SGCZ: variants seen among roughly 807,000 people sequenced by gnomAD.
The protein encoded by SGCZ is sarcoglycan zeta.
Under a neutral mutation model 41.3 loss-of-function variants are expected in SGCZ, and 40 were observed. The ratio of observed to expected loss-of-function variants is 0.97; its 90% CI spans 0.75 to 1.26. The LOEUF (loss-of-function observed/expected upper bound fraction) is 1.26. SGCZ is among the 50% of genes most tolerant of loss of function. The pLI, the probability that SGCZ is intolerant of heterozygous loss-of-function variation, is 0.00. For synonymous variants in SGCZ, 206 were observed against 137.5 expected (o/e 1.50, Z -3.49); for missense variants, 552 against 369.8 (o/e 1.49, Z -4.04).
At chr8:15,158,234 C>T (rs778361637) in intron 1 of SGCZ, among the ~76,000 whole-genome samples, 3 of 151,990 alleles carry the variant, frequency 2.0e-5, no homozygotes, top group Admixed American at 1.3e-4. Flanking sequence ...TCCATATCAC[C>T]CCATACCAGG....
At chr8:14,602,001 T>C (rs1257270821) in intron 1 of SGCZ, among the ~76,000 whole-genome samples, 2 of 152,100 alleles carry the variant, frequency 1.3e-5, no homozygotes, top group East Asian at 3.9e-4. Flanking sequence ...GCGCCTGTAG[T>C]CCCAGCTACT....
chr8:14,886,907 G>T (rs779139006), intron 1 of SGCZ, among the ~76,000 whole-genome samples: 17 of 152,138 alleles, frequency 1.1e-4, no homozygotes, highest in Non-Finnish European at 2.4e-4. Flanking sequence ...ATGACCTAGG[G>T]CAGAGTACTG....
chr8:14,192,085 A>C (rs1342989056), intron 4 of SGCZ, among the ~76,000 whole-genome samples: 2 of 152,136 alleles, frequency 1.3e-5, no homozygotes, highest in African/African-American at 2.4e-5. Flanking sequence ...ATTGTATTTA[A>C]AATCAAAGCA....
intron 1 of SGCZ, among the ~76,000 whole-genome samples, chr8:14,717,629 C>T (rs769586756): frequency 2.0e-5 from 3 of 152,006 alleles, no homozygotes; most frequent in Non-Finnish European, 4.4e-5. Context: ...AAAGACTATG[C>T]TTCATTTAAT....
At chr8:14,434,440 G>A (rs941062788) in intron 2 of SGCZ, among the ~76,000 whole-genome samples, 1 of 152,146 alleles carries the variant, frequency 6.6e-6, no homozygotes, top group African/African-American at 2.4e-5. Context: ...GTCTTGCTTA[G>A]ACCATGTCGG....
chr8:14,310,079 T>C (rs1036774796), intron 3 of SGCZ, among the ~76,000 whole-genome samples: 8 of 152,172 alleles, frequency 5.3e-5, no homozygotes, highest in Admixed American at 1.3e-4. Context: ...CAGGAGCATA[T>C]TTTGCTGGTT....
intron 3 of SGCZ, among the ~76,000 whole-genome samples, chr8:14,247,055 C>G (rs1799122332): frequency 6.6e-6 from 1 of 151,980 alleles, no homozygotes; most frequent in East Asian, 1.9e-4. Context: ...GTTTACCTGA[C>G]TTCCTTGAAT....
chr8:14,642,506 A>G (rs1807061391), intron 1 of SGCZ, among the ~76,000 whole-genome samples: 1 of 151,118 alleles, frequency 6.6e-6, no homozygotes, highest in African/African-American at 2.4e-5. Context: ...TATGTAAGGT[A>G]TCGACCTTAC....
chr8:14,324,004 C>T (rs1802011891), intron 3 of SGCZ, 99 bp downstream of exon 3: 1 of 713,194 alleles, frequency 1.4e-6, no homozygotes, highest in Non-Finnish European at 2.3e-6. Flanking sequence ...GGAAACTAAA[C>T]ACATGCTGAA....
intron 1 of SGCZ, among the ~76,000 whole-genome samples, chr8:15,021,559 C>T (rs931025344): frequency 2.0e-5 from 3 of 152,180 alleles, no homozygotes; most frequent in Non-Finnish European, 2.9e-5. Context: ...ATTGAGATCT[C>T]TCAACCAATC....
At chr8:14,760,659 T>C (rs1440332939) in intron 1 of SGCZ, among the ~76,000 whole-genome samples, 2 of 152,184 alleles carry the variant, frequency 1.3e-5, no homozygotes, top group Non-Finnish European at 2.9e-5. Flanking sequence ...CAAATTTCAA[T>C]AAAATCTTGA....
intron 1 of SGCZ, among the ~76,000 whole-genome samples, chr8:14,758,935 G>T (rs1799769815): frequency 1.3e-5 from 2 of 151,202 alleles, no homozygotes; most frequent in African/African-American, 4.9e-5. Flanking sequence ...TTGAACCCAG[G>T]AGGCAGAGGT....
chr8:14,702,859 AG>A (rs1563213129), intron 1 of SGCZ, among the ~76,000 whole-genome samples: 1 of 149,460 alleles, frequency 6.7e-6, no homozygotes, highest in Non-Finnish European at 1.5e-5. Flanking sequence ...ATAGATAGAT[AG>A]ATAGATAGAT....
At chr8:14,319,878 G>C (rs570212295) in intron 3 of SGCZ, among the ~76,000 whole-genome samples, 1 of 152,116 alleles carries the variant, frequency 6.6e-6, no homozygotes, top group South Asian at 2.1e-4. Context: ...AATGCATTCA[G>C]CTTCTTAATG....
At chr8:14,420,241 T>C (rs1175687990) in intron 2 of SGCZ, among the ~76,000 whole-genome samples, 2 of 152,014 alleles carry the variant, frequency 1.3e-5, no homozygotes, top group African/African-American at 4.8e-5. Context: ...TTTTAATGAT[T>C]CTCCTAAAGA....
intron 5 of SGCZ, among the ~76,000 whole-genome samples, chr8:14,152,777 G>GA (rs1160616900): frequency 2.0e-5 from 3 of 152,090 alleles, no homozygotes; most frequent in Non-Finnish European, 4.4e-5. Context: ...AAACAACTCA[G>GA]ATGTTCCTCA....
At chr8:14,537,837 A>C (rs1257866623) in intron 2 of SGCZ, among the ~76,000 whole-genome samples, 2 of 151,960 alleles carry the variant, frequency 1.3e-5, no homozygotes, top group Non-Finnish European at 2.9e-5. Context: ...TAAATGTGAA[A>C]GTGTGAATTC....
intron 1 of SGCZ, among the ~76,000 whole-genome samples, chr8:15,176,797 C>T (rs1312306329): frequency 1.3e-5 from 2 of 152,112 alleles, no homozygotes; most frequent in Non-Finnish European, 2.9e-5. Context: ...GTCAGGAGAT[C>T]GAGACCATCC....
At chr8:14,219,199 G>T (rs1453793747) in intron 4 of SGCZ, among the ~76,000 whole-genome samples, 1 of 152,176 alleles carries the variant, frequency 6.6e-6, no homozygotes, top group African/African-American at 2.4e-5. Flanking sequence ...GATGGACCAA[G>T]AAGAAGCTCC....
Sources: gnomAD v4.1 joint callset for allele counts (sites outside exome capture counted in the v4.1 genomes callset) on GRCh38, gnomAD v4.1.1 for gene constraint, MANE v1.5 for transcripts, NCBI Gene and HGNC (gene_info 2026-07-23, HGNC 2026-07-21) for gene names.